The following LDB2 variants were observed in gnomAD, a reference collection of about 807,000 sequenced individuals.
LDB2 encodes LIM domain binding 2, also known as LIM domain-binding protein 2.
A neutral mutation model predicts 44.3 loss-of-function variants in LDB2; 12 were observed. The ratio of observed to expected loss-of-function variants is 0.27; its 90% CI spans 0.17 to 0.44. The LOEUF is 0.44. Among genes scored for constraint, LDB2 ranks in the 20% least tolerant of loss-of-function variants. The pLI, the probability that LDB2 is intolerant of heterozygous loss-of-function variation, is 1.00. For missense variants in LDB2, 344 were observed against 473.5 expected (o/e 0.73, Z 2.54); for synonymous variants, 164 against 174.8 (o/e 0.94, Z 0.49).
chr4:16,875,063 A>T (rs1373459435), intron 1 of LDB2, among the ~76,000 whole-genome samples: 1 of 152,242 alleles, frequency 6.6e-6, no homozygotes, highest in African/African-American at 2.4e-5. Context: ...AAGCTAGAGA[A>T]CATCTGATAG....
chr4:16,873,770 G>T (rs1422550454), intron 1 of LDB2, among the ~76,000 whole-genome samples: 1 of 152,004 alleles, frequency 6.6e-6, no homozygotes, highest in Non-Finnish European at 1.5e-5. Context: ...AAATTCATGT[G>T]TTTTAATTTT....
rs182829102 is a variant in LDB2, at chr4:16,733,987, A to C, written c.235+25171T>G. 1.6e-4 allele frequency among the ~76,000 whole-genome samples: 24 copies of C among 152,368 alleles called. No homozygotes were observed. In the East Asian group the frequency reaches 4.2e-3, roughly 27 times the overall value. On this transcript the variant is annotated intron_variant, in intron 2 of 7. Transcript: ENST00000304523. ...AGACAATGCCTATTTTTAGAGAGGC[A>C]GCCTGACATAGGGAAAAGAGAACAG...
At chr4:16,689,175 C>T (rs1206967363) in intron 2 of LDB2, among the ~76,000 whole-genome samples, 1 of 152,128 alleles carries the variant, frequency 6.6e-6, no homozygotes. Flanking sequence ...GAAGAGCTGT[C>T]CTACCAGAGC....
intron 2 of LDB2, among the ~76,000 whole-genome samples, chr4:16,604,474 T>C (rs1415130452): frequency 6.7e-6 from 1 of 149,994 alleles, no homozygotes. Flanking sequence ...AGAATATATA[T>C]ATTCTTATAT....
In LDB2 at chr4:16,508,607, C is replaced by T. The variant is rs200527704; in HGVS notation, c.819G>A (p.Gly273=). 16 of 1,613,666 alleles carry T rather than the reference C, an allele frequency of 9.9e-6. No homozygotes were observed. The highest frequency in any genetic ancestry group is 1.3e-5 in the African/African-American group (1 of 75,004). The part of the protein sequence containing the change: ...STSSTSNSSA[G]NNANSTGSKK... ...TGCTGCCAGTGCTGTTTGCATTGTTCCCAGCGCTGCTGTTGGAAGTGCTGC... is the reference window on the plus strand; with the variant it reads ...TGCTGCCAGTGCTGTTTGCATTGTTTCCAGCGCTGCTGTTGGAAGTGCTGC... Residue 273 remains glycine (G), a synonymous_variant, in exon 7 of 8, where the codon GGG becomes GGA. Transcript: ENST00000304523.
intron 7 of LDB2, among the ~76,000 whole-genome samples, chr4:16,504,424 A>T (rs548970574): frequency 6.6e-6 from 1 of 152,376 alleles, no homozygotes; most frequent in South Asian, 2.1e-4. Flanking sequence ...TTGTGAATAG[A>T]TAAAAATGAT....
chr4:16,798,441 G>A (rs567348708), intron 1 of LDB2, among the ~76,000 whole-genome samples: 1 of 152,266 alleles, frequency 6.6e-6, no homozygotes, highest in East Asian at 1.9e-4. Flanking sequence ...GGAGAGAGAA[G>A]ACTTTCCAAG....
chr4:16,751,781 G>A (rs1422591720), intron 2 of LDB2, among the ~76,000 whole-genome samples: 1 of 152,196 alleles, frequency 6.6e-6, no homozygotes. Context: ...AGTGAGTTCT[G>A]AAAGAATGAA....
intron 2 of LDB2, among the ~76,000 whole-genome samples, chr4:16,603,424 T>G (rs1001872413): frequency 6.6e-6 from 1 of 152,072 alleles, no homozygotes; most frequent in Non-Finnish European, 1.5e-5. Flanking sequence ...AGCAACAGCA[T>G]TAGTTAGAGA....
chr4:16,527,915 C>T (rs1445342555), intron 5 of LDB2, among the ~76,000 whole-genome samples: 1 of 151,744 alleles, frequency 6.6e-6, no homozygotes, highest in Admixed American at 6.6e-5. Context: ...TGTACTTAAA[C>T]ATATCCAATT....
intron 1 of LDB2, among the ~76,000 whole-genome samples, chr4:16,858,807 A>G (rs1024067229): frequency 3.3e-5 from 5 of 152,230 alleles, no homozygotes; most frequent in African/African-American, 9.7e-5. Flanking sequence ...TATTTATTGA[A>G]CTATACAAAC....
chr4:16,683,360 G>C (rs2152570476), intron 2 of LDB2, among the ~76,000 whole-genome samples: 1 of 152,202 alleles, frequency 6.6e-6, no homozygotes, highest in East Asian at 1.9e-4. Flanking sequence ...TGTATACCAT[G>C]GTGAAATTTT....
intron 5 of LDB2, among the ~76,000 whole-genome samples, chr4:16,534,667 T>C (rs1560391852): frequency 1.3e-5 from 2 of 152,222 alleles, no homozygotes; most frequent in Admixed American, 1.3e-4. Context: ...AAAAGTGACA[T>C]GAAATTGTTA....
chr4:16,686,950 T>C (rs59115496), intron 2 of LDB2, among the ~76,000 whole-genome samples: 5,717 of 152,250 alleles, frequency 0.038, 402 homozygotes, highest in African/African-American at 0.13. Flanking sequence ...CTTTGGTCTC[T>C]TATTCCTCTT....
chr4:16,637,334 C>G (rs1167372741), intron 2 of LDB2, among the ~76,000 whole-genome samples: 1 of 99,798 alleles, frequency 1.0e-5, no homozygotes, highest in Admixed American at 1.5e-4. Context: ...TGCATTTCCT[C>G]TCCTCATAGA....
intron 2 of LDB2, among the ~76,000 whole-genome samples, chr4:16,691,656 A>C (rs965640851): frequency 6.6e-6 from 1 of 152,194 alleles, no homozygotes. Flanking sequence ...ATCAATCTCA[A>C]CTTGGACTAT....
At chr4:16,659,671 G>GTATATATATATATATATATATATATATA (rs58539901) in intron 2 of LDB2, among the ~76,000 whole-genome samples, 3 of 133,508 alleles carry the variant, frequency 2.2e-5, no homozygotes, top group African/African-American at 9.1e-5. Flanking sequence ...ATCTATGTGT[G>GTATATATATATATATATATATATATATA]TATATATATA....
intron 2 of LDB2, among the ~76,000 whole-genome samples, chr4:16,689,066 A>C (rs1207063091): frequency 6.6e-6 from 1 of 152,224 alleles, no homozygotes; most frequent in East Asian, 1.9e-4. Flanking sequence ...TAACAGCAGG[A>C]TGCTGCTACA....
chr4:16,717,187 A>ATGATG (rs1553981650), intron 2 of LDB2, among the ~76,000 whole-genome samples: 47 of 146,928 alleles, frequency 3.2e-4, no homozygotes, highest in Middle Eastern at 3.6e-3. Flanking sequence ...TAATAATAAT[A>ATGATG]ATGATGATGA....
Sources: gnomAD v4.1 joint callset for allele counts (sites outside exome capture counted in the v4.1 genomes callset) on GRCh38, gnomAD v4.1.1 for gene constraint, MANE v1.5 for transcripts, NCBI Gene and HGNC (gene_info 2026-07-23, HGNC 2026-07-21) for gene names.